NDFIP2: variants seen among roughly 807,000 people sequenced by gnomAD.
NDFIP2 encodes the protein Nedd4 family interacting protein 2.
In NDFIP2, 19 loss-of-function variants were observed where a neutral mutation model predicts 36.0. The observed-to-expected ratio is 0.53, with a 90% CI of 0.37 to 0.77. NDFIP2 has a LOEUF of 0.77. NDFIP2 is among the 30% of genes least tolerant of loss of function. The probability of loss-of-function intolerance (pLI) is 0.00; values close to 1 mark genes in which losing one functional copy is unlikely to be tolerated. For synonymous variants in NDFIP2, 181 were observed against 167.7 expected, an observed-to-expected ratio of 1.08 and a Z score of -0.61; for missense variants, 446 against 435.8, an observed-to-expected ratio of 1.02 and a Z score of -0.21.
intron 1 of NDFIP2, among the ~76,000 whole-genome samples, chr13:79,508,598 C>T (rs965311212): frequency 2.8e-4 from 43 of 152,140 alleles, no homozygotes; most frequent in African/African-American, 9.2e-4. Flanking sequence ...GTAGTGAGGA[C>T]GACCAGAGGT....
chr13:79,527,993 G>A (rs2137094705), intron 2 of NDFIP2, among the ~76,000 whole-genome samples: 1 of 152,298 alleles, frequency 6.6e-6, no homozygotes, highest in African/African-American at 2.4e-5. Context: ...GCTATGCACG[G>A]TGGCACATGC....
chr13:79,539,663 C>A lies in NDFIP2; in HGVS notation c.622-19C>A. On this transcript the variant is annotated intron_variant, in intron 3 of 7. Transcript: ENST00000218652. Reference sequence around the variant, plus strand: ...AGTTGTAATTTTTAGTGAGCTATTCCAATGTTACATATTTACAGATTCAGG... The same window carrying A: ...AGTTGTAATTTTTAGTGAGCTATTCAAATGTTACATATTTACAGATTCAGG... 1 of 1,593,014 alleles carries A rather than the reference C, an allele frequency of 6.3e-7. No homozygotes were observed. The highest frequency in any genetic ancestry group is 8.6e-7 in the Non-Finnish European group (1 of 1,162,154).
chr13:79,518,314 T>C (rs556469546), intron 1 of NDFIP2, among the ~76,000 whole-genome samples: 8 of 152,250 alleles, frequency 5.3e-5, no homozygotes, highest in African/African-American at 1.9e-4. Context: ...GATCTCATTA[T>C]GTAAATCTTA....
Position 79,539,775 on chromosome 13 carries a change from A to G in NDFIP2, c.715A>G (p.Met239Val). ...NDGIFMLAFF[M>V]AFIFNWLGFC... ...TGGCATTTTCATGCTGGCATTTTTC[A>G]GTAAGTAATCTTCCTAAACTATTTT... The change falls in exon 4 of 8, where the codon ATG (methionine) becomes GTG (valine). Residue 239 changes from methionine to valine, a missense_variant and splice_region_variant. By Grantham distance (21) the Met-to-Val change is conservative. This residue lies in a region of NDFIP2 where 77 missense variants were observed against 131.0 expected (regional missense o/e 0.59). Transcript: ENST00000218652. The G allele has an allele frequency of 1.2e-6, 2 of 1,612,988 alleles. No individual in the cohort carries two copies. The highest frequency in any genetic ancestry group is 1.7e-6 in the Non-Finnish European group (2 of 1,179,090).
intron 1 of NDFIP2, among the ~76,000 whole-genome samples, chr13:79,505,148 A>C (rs186895681): frequency 6.6e-6 from 1 of 152,332 alleles, no homozygotes; most frequent in African/African-American, 2.4e-5. Flanking sequence ...AAACTGACCA[A>C]CACAACAGTT....
At chr13:79,523,252 T>A (rs1240546913) in intron 2 of NDFIP2, among the ~76,000 whole-genome samples, 1 of 152,166 alleles carries the variant, frequency 6.6e-6, no homozygotes, top group Non-Finnish European at 1.5e-5. Flanking sequence ...TGGAGTTTCA[T>A]TCTTGTTGCC....
Position 79,547,415 on chromosome 13 carries a change from G to A in NDFIP2, c.841-913G>A, listed in dbSNP as rs115805291. 4.1e-3 allele frequency among the ~76,000 whole-genome samples: 622 copies of A among 152,250 alleles called. 7 individuals are homozygous for A. Among genetic ancestry groups the A allele is most frequent in the African/African-American group, 0.014 (598 of 41,552 alleles). On this transcript the variant is annotated intron_variant, in intron 5 of 7. Coordinates refer to ENST00000218652, the MANE Select transcript of NDFIP2 (RefSeq NM_019080.3). ...CAGTTTGCAGACCAGTGGAAACAGG[G>A]TGGGTAAACACAAGCTAATTTTTAA...
chr13:79,540,942 C>A (rs1875429417), intron 4 of NDFIP2, among the ~76,000 whole-genome samples: 1 of 152,110 alleles, frequency 6.6e-6, no homozygotes, highest in African/African-American at 2.4e-5. Flanking sequence ...AGGAAATAAA[C>A]TGTGGTTACA....
At chr13:79,508,207 T>A (rs934994439) in intron 1 of NDFIP2, among the ~76,000 whole-genome samples, 1 of 152,242 alleles carries the variant, frequency 6.6e-6, no homozygotes, top group African/African-American at 2.4e-5. Context: ...GCCTTGAACA[T>A]TCTTGTACAT....
chr13:79,514,896 A>G (rs1241380077), intron 1 of NDFIP2, among the ~76,000 whole-genome samples: 1 of 152,156 alleles, frequency 6.6e-6, no homozygotes, highest in African/African-American at 2.4e-5. Context: ...ATTCCAGATT[A>G]TATCATTTTC....
At chr13:79,541,423 T>G (rs1421453679) in intron 4 of NDFIP2, among the ~76,000 whole-genome samples, 2 of 150,924 alleles carry the variant, frequency 1.3e-5, no homozygotes. Flanking sequence ...TATTTATATT[T>G]AATAGATTTA....
chr13:79,506,578 T>G (rs1490601313), intron 1 of NDFIP2, among the ~76,000 whole-genome samples: 1 of 152,112 alleles, frequency 6.6e-6, no homozygotes, highest in Non-Finnish European at 1.5e-5. Flanking sequence ...AGTTTTAAAA[T>G]GGGAAGTGTT....
chr13:79,488,634 G>A (rs1873109782), intron 1 of NDFIP2, among the ~76,000 whole-genome samples: 1 of 152,100 alleles, frequency 6.6e-6, no homozygotes, highest in Non-Finnish European at 1.5e-5. Flanking sequence ...TATTGATTAT[G>A]AAACAAATAT....
At position 79,501,276 on chromosome 13, in the gene NDFIP2, G is replaced by A. The variant is rs560791660; in HGVS notation, c.322-19534G>A. On this transcript the variant is annotated intron_variant, in intron 1 of 7. Coordinates refer to ENST00000218652, the MANE Select transcript of NDFIP2 (RefSeq NM_019080.3). ...TTTTGTCAAAACCCATGGAAACAGC[G>A]CCAAGAGTGACTCTAATGTAAACTA... Among the ~76,000 whole-genome samples, 6 of 152,088 alleles carry A rather than the reference G, an allele frequency of 3.9e-5. No homozygotes were observed. In the East Asian group the frequency reaches 1.2e-3, roughly 29 times the overall value.
chr13:79,520,390 T>C (rs1426648866), intron 1 of NDFIP2, among the ~76,000 whole-genome samples: 2 of 152,166 alleles, frequency 1.3e-5, no homozygotes, highest in African/African-American at 4.8e-5. Context: ...CTACAGTCTC[T>C]CCGATTTCAA....
intron 1 of NDFIP2, among the ~76,000 whole-genome samples, chr13:79,518,605 G>C (rs778691527): frequency 6.6e-6 from 1 of 152,186 alleles, no homozygotes; most frequent in Non-Finnish European, 1.5e-5. Flanking sequence ...CTAAATAAAA[G>C]GGAAGAAGTG....
At chr13:79,509,064 G>A (rs9530928) in intron 1 of NDFIP2, among the ~76,000 whole-genome samples, 14,958 of 151,974 alleles carry the variant, frequency 0.098, 928 homozygotes, top group Middle Eastern at 0.26. Context: ...TTAAAACTAT[G>A]TAACCCAAAA....
At chr13:79,500,166 C>CAA (rs771690443) in intron 1 of NDFIP2, among the ~76,000 whole-genome samples, 9 of 76,042 alleles carry the variant, frequency 1.2e-4, no homozygotes, top group African/African-American at 2.6e-4. Context: ...GATCCCCATG[C>CAA]AAAAAAAAAA....
At chr13:79,495,969 A>G (rs1343587934) in intron 1 of NDFIP2, among the ~76,000 whole-genome samples, 2 of 151,696 alleles carry the variant, frequency 1.3e-5, no homozygotes, top group Non-Finnish European at 3.0e-5. Flanking sequence ...AGGTCCATTT[A>G]CTCTCCAGCC....
Sources: allele counts gnomAD v4.1 joint callset (sites outside exome capture counted in the v4.1 genomes callset), GRCh38; gene constraint gnomAD v4.1.1; regional missense constraint gnomAD v4.1.1; transcripts MANE v1.5; gene names NCBI Gene and HGNC (gene_info 2026-07-23, HGNC 2026-07-21).